ITGB2: variants seen among roughly 807,000 people sequenced by gnomAD.
ITGB2 encodes integrin beta-2.
A neutral mutation model predicts 86.8 loss-of-function variants in ITGB2; 56 were observed. The ratio of observed to expected loss-of-function variants is 0.65; its 90% CI spans 0.52 to 0.81. The LOEUF is 0.81. Ranked by LOEUF, ITGB2 falls within the 30% of genes least tolerant of loss-of-function variation. The probability of loss-of-function intolerance (pLI) is 0.00; values close to 1 mark genes in which losing one functional copy is unlikely to be tolerated. For synonymous variants in ITGB2, 457 were observed against 450.4 expected (o/e 1.01, Z -0.19); for missense variants, 948 against 1,061.2 (o/e 0.89, Z 1.48).
intron 8 of ITGB2, among the ~76,000 whole-genome samples, chr21:44,896,727 AG>A (rs3838128): frequency 6.6e-6 from 1 of 152,132 alleles, no homozygotes; most frequent in African/African-American, 2.4e-5. Flanking sequence ...ACACACTCGG[AG>A]GGGGCGTGGC....
intron 9 of ITGB2, chr21:44,893,919 G>T: frequency 2.9e-6 from 1 of 342,688 alleles, no homozygotes; most frequent in Non-Finnish European, 5.8e-6. Flanking sequence ...GATGGGCAGA[G>T]CCAGAGCCAG....
chr21:44,912,303 C>T (rs114845595), intron 1 of ITGB2, among the ~76,000 whole-genome samples: 3 of 152,040 alleles, frequency 2.0e-5, no homozygotes, highest in Admixed American at 6.5e-5. Flanking sequence ...GGCTCGGGTG[C>T]CCTCAGCCAC....
At chr21:44,897,813 C>T (rs2083891453) in intron 8 of ITGB2, among the ~76,000 whole-genome samples, 3 of 152,366 alleles carry the variant, frequency 2.0e-5, no homozygotes, top group East Asian at 3.9e-4. Context: ...CTCCTTCCTC[C>T]AGCTCAGTCC....
chr21:44,889,002 G>A lies in ITGB2; in HGVS notation c.1878-107C>T. On this transcript the variant is annotated intron_variant, in intron 13 of 15. Transcript: ENST00000652462. ...ACCAGGGGGGGCAGGTGGGGTTGGGGCGCCCTCAGGCCAAGGAGGGGGCCC... is the reference window on the plus strand; with the variant it reads ...ACCAGGGGGGGCAGGTGGGGTTGGGACGCCCTCAGGCCAAGGAGGGGGCCC... 4.2e-6 allele frequency: 4 copies of A among 957,074 alleles called. No individual in the cohort carries two copies. The South Asian group carries it at 5.7e-5, about 14-fold the overall frequency. The allele number at this position is 957,074 out of a possible 1,614,324, so 59.3% of individuals were successfully genotyped here. A position where few individuals can be genotyped will look rare whatever the true frequency, so the allele number is the denominator to read the frequency against.
At chr21:44,890,775 G>C (rs2083775657) in intron 11 of ITGB2, among the ~76,000 whole-genome samples, 1 of 152,132 alleles carries the variant, frequency 6.6e-6, no homozygotes, top group Admixed American at 6.5e-5. Context: ...GGGCTCTCCT[G>C]CTCCCCAGAG....
chr21:44,913,504 G>A (rs2084162353), intron 1 of ITGB2, among the ~76,000 whole-genome samples: 1 of 152,166 alleles, frequency 6.6e-6, no homozygotes, highest in African/African-American at 2.4e-5. Flanking sequence ...GGGGCTGGTG[G>A]GGAGCCACCT....
At chr21:44,921,528 A>C (rs148348799), upstream of ITGB2, among the ~76,000 whole-genome samples, 1 of 152,000 alleles carries the variant, frequency 6.6e-6, no homozygotes, top group Non-Finnish European at 1.5e-5. Flanking sequence ...AACTAGGGAC[A>C]TTAGGAGGAT....
chr21:44,917,977 G>A (rs956286083), intron 1 of ITGB2, among the ~76,000 whole-genome samples: 38 of 152,310 alleles, frequency 2.5e-4, no homozygotes, highest in South Asian at 6.2e-4. Flanking sequence ...ACATGGGCTC[G>A]GAATCGACAA....
At chr21:44,902,970 C>T (rs757044078) in intron 5 of ITGB2, among the ~76,000 whole-genome samples, 5 of 152,228 alleles carry the variant, frequency 3.3e-5, no homozygotes, top group Non-Finnish European at 5.9e-5. Flanking sequence ...TGGTGTAGAG[C>T]GGAGCCCTTG....
chr21:44,922,536 T>C (rs979606977), upstream of ITGB2, among the ~76,000 whole-genome samples: 1 of 151,394 alleles, frequency 6.6e-6, no homozygotes, highest in East Asian at 1.9e-4. Flanking sequence ...TCGCCAGGCA[T>C]GGTAGCACGC....
chr21:44,886,971 C>T (rs1226123607), intron 14 of ITGB2, 69 bp from the exon 15 acceptor site: 13 of 1,582,030 alleles, frequency 8.2e-6, no homozygotes, highest in Non-Finnish European at 1.0e-5. Context: ...CCCACAGGTC[C>T]GAGGTCACCC....
At chr21:44,903,287 G>C in intron 5 of ITGB2, 78 bp downstream of exon 5, 3 of 1,561,416 alleles carry the variant, frequency 1.9e-6, no homozygotes, top group Non-Finnish European at 2.6e-6. Flanking sequence ...TGAGTGCGAG[G>C]AGTTGTGTGG....
intron 1 of ITGB2, among the ~76,000 whole-genome samples, chr21:44,920,428 C>T (rs1164884666): frequency 6.6e-6 from 1 of 152,204 alleles, no homozygotes; most frequent in Non-Finnish European, 1.5e-5. Flanking sequence ...GGGCCTAACA[C>T]AGGCAGGCGC....
intron 8 of ITGB2, among the ~76,000 whole-genome samples, chr21:44,896,200 G>A (rs963419519): frequency 2.6e-5 from 4 of 152,240 alleles, no homozygotes; most frequent in Non-Finnish European, 5.9e-5. Flanking sequence ...GGGAGGACGT[G>A]CATGGTGGCC....
rs2083697245 is a variant in ITGB2, at chr21:44,886,316, G to A, written c.*52C>T. 21 of 1,486,662 alleles carry A rather than the reference G, an allele frequency of 1.4e-5. No individual in the cohort carries two copies. The Middle Eastern group carries it at 5.2e-4, about 37-fold the overall frequency. 92.1% of individuals were successfully genotyped at this position (1,486,662 alleles called of 1,614,324 possible). On this transcript the variant is annotated 3_prime_UTR_variant, in exon 16 of 16. Transcript: ENST00000652462. ...CTGTGGCAAGCCATGTCTCGGCCGC[G>A]TGATGGGGCAGACATGGTGGGTCCT...
chr21:44,893,686 CAGGA>C, intron 9 of ITGB2, 142 bp from the exon 10 acceptor site: 3 of 1,144,140 alleles, frequency 2.6e-6, no homozygotes, highest in Non-Finnish European at 2.6e-6. Context: ...GAGAGCACAG[CAGGA>C]TGTGCTGAGG....
chr21:44,911,476 CAT>C (rs1250407248), intron 1 of ITGB2: 1 of 152,688 alleles, frequency 6.5e-6, no homozygotes, highest in East Asian at 1.9e-4. Flanking sequence ...GTGGCAGAAA[CAT>C]AGCCAGGAAG....
At chr21:44,917,839 G>A (rs1464128832) in intron 1 of ITGB2, among the ~76,000 whole-genome samples, 2 of 152,212 alleles carry the variant, frequency 1.3e-5, no homozygotes, top group Non-Finnish European at 2.9e-5. Flanking sequence ...GTGTTCCCCT[G>A]GGGCTAACTC....
At chr21:44,927,773 G>A (rs1221359625) in intron 1 of ITGB2, 2 of 152,256 alleles carry the variant, frequency 1.3e-5, no homozygotes, top group Non-Finnish European at 2.9e-5. Context: ...AGGCGAGTGG[G>A]GAGGGCTCGG....
Sources: gnomAD v4.1 joint callset for allele counts (sites outside exome capture counted in the v4.1 genomes callset) on GRCh38, gnomAD v4.1.1 for gene constraint, MANE v1.5 for transcripts, NCBI Gene and HGNC (gene_info 2026-07-23, HGNC 2026-07-21) for gene names.